RABGAP1L: variants seen among roughly 807,000 people sequenced by gnomAD.
The protein encoded by RABGAP1L is RAB GTPase activating protein 1 like, also known as rab GTPase-activating protein 1-like.
In RABGAP1L, 63 loss-of-function variants were observed where a neutral mutation model predicts 137.7. The ratio of observed to expected loss-of-function variants is 0.46; its 90% CI spans 0.37 to 0.56. RABGAP1L has a LOEUF of 0.56. Among genes scored for constraint, RABGAP1L ranks in the 20% least tolerant of loss-of-function variants. RABGAP1L has a pLI of 0.00. For missense variants in RABGAP1L, 1,095 were observed against 1,244.0 expected (o/e 0.88, Z 1.80); for synonymous variants, 431 against 433.7 (o/e 0.99, Z 0.08).
intron 12 of RABGAP1L, among the ~76,000 whole-genome samples, chr1:174,391,881 C>T (rs985506456): frequency 6.6e-6 from 1 of 151,968 alleles, no homozygotes; most frequent in Non-Finnish European, 1.5e-5. Context: ...TTTAATTAAC[C>T]CAGTTTTCTA....
chr1:174,226,744 A>G (rs1670211271), intron 3 of RABGAP1L, among the ~76,000 whole-genome samples: 1 of 151,598 alleles, frequency 6.6e-6, no homozygotes, highest in African/African-American at 2.4e-5. Context: ...TATGATTAGT[A>G]TTTGCATGGT....
intron 19 of RABGAP1L, among the ~76,000 whole-genome samples, chr1:174,913,240 T>C (rs778326402): frequency 1.3e-5 from 2 of 152,160 alleles, no homozygotes; most frequent in Non-Finnish European, 2.9e-5. Context: ...CCTCCCAAAG[T>C]GCTAGGATTA....
At chr1:174,248,408 T>C (rs1672439516) in intron 5 of RABGAP1L, among the ~76,000 whole-genome samples, 1 of 152,236 alleles carries the variant, frequency 6.6e-6, no homozygotes, top group African/African-American at 2.4e-5. Flanking sequence ...CATCAATCTT[T>C]TGCTGCTTTT....
At chr1:174,490,372 G>T (rs1175380268) in intron 13 of RABGAP1L, among the ~76,000 whole-genome samples, 6 of 152,150 alleles carry the variant, frequency 3.9e-5, no homozygotes, top group Admixed American at 3.9e-4. Flanking sequence ...AGATCTGGAA[G>T]AGTTCTGTGG....
At chr1:174,316,391 T>C (rs1679378058) in intron 11 of RABGAP1L, among the ~76,000 whole-genome samples, 2 of 152,190 alleles carry the variant, frequency 1.3e-5, no homozygotes, top group Non-Finnish European at 2.9e-5. Context: ...TTGGGAATGC[T>C]TTTCAGATAT....
intron 13 of RABGAP1L, among the ~76,000 whole-genome samples, chr1:174,534,802 A>AAAAAAAAAT (rs1553324953): frequency 1.1e-4 from 15 of 137,308 alleles, no homozygotes; most frequent in East Asian, 4.2e-4. Context: ...AAAAAAAAAA[A>AAAAAAAAAT]AATAATTAGA....
At position 174,281,166 on chromosome 1, in the gene RABGAP1L, A is replaced by C. The variant is rs191531959; in HGVS notation, c.1323+2387A>C. On this transcript the variant is annotated intron_variant, in intron 10 of 25. Coordinates refer to ENST00000681986, the MANE Select transcript of RABGAP1L (RefSeq NM_001366446.1). ...TTTACTGTGAAGAGCAAAAGAACAA[A>C]GCTTCCACAGAGTGGAAGAGGACCC... Among the ~76,000 whole-genome samples the C allele has an allele frequency of 5.7e-4, 87 of 152,282 alleles. No homozygotes were observed. In the South Asian group the frequency reaches 7.5e-3, roughly 13 times the overall value.
intron 14 of RABGAP1L, among the ~76,000 whole-genome samples, chr1:174,645,939 T>A (rs939100968): frequency 1.2e-4 from 18 of 152,214 alleles, no homozygotes; most frequent in Non-Finnish European, 2.2e-4. Flanking sequence ...GGTTTTGATA[T>A]GCATTTCTCT....
intron 11 of RABGAP1L, among the ~76,000 whole-genome samples, chr1:174,349,000 G>A (rs1437064905): frequency 8.0e-4 from 122 of 151,908 alleles, no homozygotes; most frequent in African/African-American, 2.2e-3. Flanking sequence ...GGTGGTGGCC[G>A]GGCAGAGGCG....
At chr1:174,858,923 G>A (rs1413065248) in intron 19 of RABGAP1L, among the ~76,000 whole-genome samples, 2 of 152,174 alleles carry the variant, frequency 1.3e-5, no homozygotes, top group Non-Finnish European at 2.9e-5. Flanking sequence ...ATGCTGGTGA[G>A]GTTGTTGAGA....
chr1:174,667,720 C>T (rs965284074), intron 14 of RABGAP1L, among the ~76,000 whole-genome samples: 3 of 152,154 alleles, frequency 2.0e-5, no homozygotes, highest in Non-Finnish European at 2.9e-5. Flanking sequence ...CCTTCCTTGC[C>T]TTTAACTCTA....
At chr1:174,596,777 C>T (rs866438816) in intron 13 of RABGAP1L, among the ~76,000 whole-genome samples, 3 of 152,102 alleles carry the variant, frequency 2.0e-5, no homozygotes, top group Admixed American at 1.3e-4. Flanking sequence ...TGAAAGTGGG[C>T]ATCTTTGTCT....
intron 13 of RABGAP1L, among the ~76,000 whole-genome samples, chr1:174,636,850 A>G (rs535737179): frequency 6.6e-6 from 1 of 152,330 alleles, no homozygotes; most frequent in East Asian, 1.9e-4. Flanking sequence ...ATCCTTGAAC[A>G]CGTGCATAAG....
At chr1:174,770,077 T>C (rs560944728) in intron 18 of RABGAP1L, among the ~76,000 whole-genome samples, 1 of 151,610 alleles carries the variant, frequency 6.6e-6, no homozygotes, top group Non-Finnish European at 1.5e-5. Flanking sequence ...ACTCATAAAC[T>C]TTTTTTTTGG....
chr1:174,349,099 G>A (rs1181585200), intron 11 of RABGAP1L, among the ~76,000 whole-genome samples: 30 of 129,006 alleles, frequency 2.3e-4, no homozygotes, highest in East Asian at 5.4e-4. Flanking sequence ...CTGGCCGGGC[G>A]GGGGGCTGAC....
intron 17 of RABGAP1L, among the ~76,000 whole-genome samples, chr1:174,716,307 G>A (rs1261759699): frequency 6.6e-6 from 1 of 152,140 alleles, no homozygotes; most frequent in African/African-American, 2.4e-5. Context: ...TTGTGTTGCC[G>A]AGAGTAGAGT....
Position 174,957,810 on chromosome 1 carries a change from T to G in RABGAP1L, c.2433+261T>G. ...TCTTCCTTGATTGATTTAGATGCTC[T>G]CTGATCATGCTAACTGTCCAGGTAT... is the stretch of plus-strand genomic sequence containing the variant. On this transcript the variant is annotated intron_variant, in intron 20 of 25. Transcript: ENST00000681986. 6 of 1,311,640 alleles carry G rather than the reference T, an allele frequency of 4.6e-6. No individual in the cohort carries two copies. The South Asian group carries it at 5.0e-5, about 11-fold the overall frequency. 81.3% of individuals were successfully genotyped at this position (1,311,640 alleles called of 1,614,324 possible). A position where few individuals can be genotyped will look rare whatever the true frequency, so the allele number is the denominator to read the frequency against.
At chr1:174,622,036 G>T (rs1024327686) in intron 13 of RABGAP1L, among the ~76,000 whole-genome samples, 1 of 152,138 alleles carries the variant, frequency 6.6e-6, no homozygotes, top group Non-Finnish European at 1.5e-5. Context: ...ATCAAAGAGT[G>T]GGCGAAGGAT....
intron 10 of RABGAP1L, among the ~76,000 whole-genome samples, chr1:174,283,382 G>C (rs1675751322): frequency 6.6e-6 from 1 of 151,848 alleles, no homozygotes; most frequent in Admixed American, 6.6e-5. Flanking sequence ...ACTCCAGCCT[G>C]GGCCACAGAG....
Sources: allele counts gnomAD v4.1 joint callset (sites outside exome capture counted in the v4.1 genomes callset), GRCh38; gene constraint gnomAD v4.1.1; transcripts MANE v1.5; gene names NCBI Gene and HGNC (gene_info 2026-07-23, HGNC 2026-07-21).